CNTN5: variants seen among roughly 807,000 people sequenced by gnomAD.
The protein encoded by CNTN5 is contactin-5.
A neutral mutation model predicts 129.1 loss-of-function variants in CNTN5; 77 were observed. The ratio of observed to expected loss-of-function variants is 0.60; its 90% confidence interval spans 0.50 to 0.72. The LOEUF (loss-of-function observed/expected upper bound fraction) is 0.72, where lower values mean the gene tolerates loss of function less well. CNTN5 is among the 30% of genes least tolerant of loss of function. CNTN5 has a pLI of 0.00. For missense variants in CNTN5, 1,478 were observed against 1,328.8 expected (o/e 1.11, Z -1.75); for synonymous variants, 509 against 465.6 (o/e 1.09, Z -1.20).
At chr11:99,676,455 G>T (rs560549402) in intron 3 of CNTN5, among the ~76,000 whole-genome samples, 1 of 152,130 alleles carries the variant, frequency 6.6e-6, no homozygotes, top group South Asian at 2.1e-4. Flanking sequence ...ATTTTTCCAA[G>T]AAATACATTT....
intron 3 of CNTN5, among the ~76,000 whole-genome samples, chr11:99,560,538 G>A (rs1254482265): frequency 6.6e-6 from 1 of 152,034 alleles, no homozygotes; most frequent in Non-Finnish European, 1.5e-5. Flanking sequence ...TGATCCGCCT[G>A]CCTCGGCCTC....
At position 99,285,486 on chromosome 11, in the gene CNTN5, T is replaced by C. The variant is rs114340917; in HGVS notation, c.-209-39860T>C. Among the ~76,000 whole-genome samples, 879 of 151,900 alleles carry C rather than the reference T, an allele frequency of 5.8e-3. 12 individuals carry two copies. Among genetic ancestry groups the C allele is most frequent in the African/African-American group, 0.02 (837 of 41,422 alleles). The stretch of plus-strand genomic sequence containing the variant: ...GCCCTTGTTTTGATGTCTACTAAAG[T>C]AGGGTGCTGTTTTTTAAAATGGAAG... On this transcript the variant is annotated intron_variant, in intron 1 of 24. Transcript: ENST00000524871.
intron 17 of CNTN5, among the ~76,000 whole-genome samples, chr11:100,267,477 G>A: frequency 6.6e-6 from 1 of 152,100 alleles, no homozygotes; most frequent in East Asian, 1.9e-4. Flanking sequence ...TAGCAGGAAG[G>A]TTGTAATTTG....
intron 1 of CNTN5, among the ~76,000 whole-genome samples, chr11:99,166,819 A>G (rs1271710025): frequency 2.7e-5 from 4 of 147,666 alleles, no homozygotes; most frequent in African/African-American, 1.0e-4. Flanking sequence ...CGTAAGCCCC[A>G]GATCTGTTTG....
chr11:99,206,527 G>A (rs1859492501), intron 1 of CNTN5, among the ~76,000 whole-genome samples: 1 of 151,948 alleles, frequency 6.6e-6, no homozygotes, highest in South Asian at 2.1e-4. Context: ...ATAAATTTAC[G>A]TTTTTTCCAC....
chr11:99,497,070 G>T (rs1363318115), intron 2 of CNTN5, among the ~76,000 whole-genome samples: 1 of 152,118 alleles, frequency 6.6e-6, no homozygotes, highest in East Asian at 1.9e-4. Context: ...CAGCCTTGAG[G>T]ATTGAAAGAG....
At chr11:99,613,273 T>C (rs2135736820) in intron 3 of CNTN5, among the ~76,000 whole-genome samples, 1 of 152,274 alleles carries the variant, frequency 6.6e-6, no homozygotes, top group South Asian at 2.1e-4. Flanking sequence ...TCTGCCATGG[T>C]GAGTTAGCTC....
chr11:99,549,787 T>C (rs1413671004), intron 2 of CNTN5, among the ~76,000 whole-genome samples: 1 of 152,098 alleles, frequency 6.6e-6, no homozygotes, highest in Admixed American at 6.5e-5. Context: ...TGTTCTAATA[T>C]CAGTCACTAG....
At chr11:99,073,374 GTTTTTTT>G (rs750531770) in intron 1 of CNTN5, among the ~76,000 whole-genome samples, 1 of 61,198 alleles carries the variant, frequency 1.6e-5, no homozygotes, top group African/African-American at 7.1e-5. Flanking sequence ...TTATGGTTTG[GTTTTTTT>G]TTTTTTTTTT....
At chr11:99,382,883 G>A (rs1234614631) in intron 2 of CNTN5, among the ~76,000 whole-genome samples, 2 of 36,504 alleles carry the variant, frequency 5.5e-5, no homozygotes, top group Non-Finnish European at 8.0e-5. Flanking sequence ...TTTAGACAGA[G>A]TCTCGCTCTG....
intron 1 of CNTN5, among the ~76,000 whole-genome samples, chr11:99,189,963 A>G (rs1050627599): frequency 2.0e-5 from 3 of 151,468 alleles, no homozygotes; most frequent in Non-Finnish European, 1.5e-5. Flanking sequence ...TTTTATTCCT[A>G]TCCAAAAAAA....
chr11:99,876,284 AC>A (rs1214896431), intron 6 of CNTN5, among the ~76,000 whole-genome samples: 1 of 152,098 alleles, frequency 6.6e-6, no homozygotes. Context: ...CTAATCTGTT[AC>A]TGCTAACCTC....
intron 20 of CNTN5, among the ~76,000 whole-genome samples, chr11:100,303,932 A>G (rs1285168829): frequency 2.0e-5 from 3 of 151,668 alleles, no homozygotes; most frequent in Admixed American, 2.0e-4. Context: ...GAATTTTTAA[A>G]TAATGAAACC....
chr11:99,874,976 T>C (rs1948595436), intron 6 of CNTN5, among the ~76,000 whole-genome samples: 1 of 152,174 alleles, frequency 6.6e-6, no homozygotes, highest in Non-Finnish European at 1.5e-5. Context: ...TCATCATTTC[T>C]TCTAGAAGGT....
At chr11:99,866,190 A>G (rs372403080) in intron 6 of CNTN5, among the ~76,000 whole-genome samples, 2 of 152,122 alleles carry the variant, frequency 1.3e-5, no homozygotes, top group East Asian at 1.9e-4. Context: ...TTTGCTCTCT[A>G]GTGCACTTCT....
At chr11:100,102,494 C>G (rs372267170) in intron 13 of CNTN5, among the ~76,000 whole-genome samples, 1 of 151,712 alleles carries the variant, frequency 6.6e-6, no homozygotes, top group Non-Finnish European at 1.5e-5. Context: ...GAATGTAGAG[C>G]CTTTGGAATA....
chr11:99,338,923 T>TATATATATATATATATATATCTGTG (rs1555114994), intron 2 of CNTN5, among the ~76,000 whole-genome samples: 4 of 25,250 alleles, frequency 1.6e-4, no homozygotes, highest in African/African-American at 4.2e-4. Context: ...TTCACAGATA[T>TATATATATATATATATATATCTGTG]ATATATATAT....
intron 9 of CNTN5, among the ~76,000 whole-genome samples, chr11:100,012,666 C>A (rs1940599515): frequency 1.3e-5 from 2 of 152,096 alleles, no homozygotes; most frequent in South Asian, 4.1e-4. Context: ...GAACTAGATA[C>A]CCTGATGCTA....
intron 13 of CNTN5, among the ~76,000 whole-genome samples, chr11:100,116,741 G>T (rs909452878): frequency 2.6e-5 from 4 of 151,750 alleles, no homozygotes; most frequent in African/African-American, 9.7e-5. Flanking sequence ...TGAAAGGCAA[G>T]TCTTACATTA....
Sources: gnomAD v4.1 joint callset for allele counts (sites outside exome capture counted in the v4.1 genomes callset) on GRCh38, gnomAD v4.1.1 for gene constraint, MANE v1.5 for transcripts, NCBI Gene and HGNC (gene_info 2026-07-23, HGNC 2026-07-21) for gene names.